Variants in KIF22 observed in about 807,000 individuals in gnomAD.
The protein encoded by KIF22 is kinesin-like protein KIF22.
A neutral mutation model predicts 73.0 loss-of-function variants in KIF22; 62 were observed. The observed-to-expected ratio is 0.85, with a 90% CI of 0.69 to 1.05. The LOEUF (loss-of-function observed/expected upper bound fraction) is 1.05, where lower values mean the gene tolerates loss of function less well. Ranked by LOEUF, KIF22 falls within the 50% of genes least tolerant of loss-of-function variation. The probability of loss-of-function intolerance (pLI) is 0.00; values close to 1 mark genes in which losing one functional copy is unlikely to be tolerated. For synonymous variants in KIF22, 411 were observed against 340.1 expected (o/e 1.21, Z -2.29); for missense variants, 854 against 870.1 (o/e 0.98, Z 0.23).
chr16:29,801,732 CAGGA>C (rs1001777052), intron 8 of KIF22, among the ~76,000 whole-genome samples: 3 of 152,130 alleles, frequency 2.0e-5, no homozygotes, highest in Admixed American at 6.5e-5. Context: ...CTGTGAGAGT[CAGGA>C]AGGAAGAGAT....
At chr16:29,793,473 G>A (rs1438571235) in intron 1 of KIF22, among the ~76,000 whole-genome samples, 5 of 152,144 alleles carry the variant, frequency 3.3e-5, no homozygotes, top group Non-Finnish European at 5.9e-5. Flanking sequence ...CAGAACGTGG[G>A]CTGCAGTTGA....
At chr16:29,803,938 T>C (rs1899237874) in intron 10 of KIF22, 60 bp from the exon 11 acceptor site, 2 of 1,282,508 alleles carry the variant, frequency 1.6e-6, no homozygotes, top group Non-Finnish European at 1.1e-6. Flanking sequence ...ATCGAAGGGC[T>C]ACCAGGGAGG....
At chr16:29,791,971 C>T (rs900712700) in intron 1 of KIF22, among the ~76,000 whole-genome samples, 3 of 152,252 alleles carry the variant, frequency 2.0e-5, no homozygotes, top group Middle Eastern at 3.4e-3. Flanking sequence ...GTGTCACATA[C>T]GTAGATGTAA....
Position 29,803,621 on chromosome 16 carries a change from C to A in KIF22, c.1609+13C>A, listed in dbSNP as rs745553124. 3 of 1,597,068 alleles carry A rather than the reference C, an allele frequency of 1.9e-6. No homozygotes were observed. Among genetic ancestry groups the A allele is most frequent in the Non-Finnish European group, 1.7e-6 (2 of 1,171,490 alleles). ...CCCCTACAGCTAAGTAAGTTTGACT[C>A]CAGGGGCTGGGGGGCCAAGGCAGCT... On this transcript the variant is annotated intron_variant, in intron 10 of 13. Transcript: ENST00000160827.
intron 1 of KIF22, 112 bp from the exon 2 acceptor site, chr16:29,796,781 G>C: frequency 1.0e-6 from 1 of 982,370 alleles, no homozygotes; most frequent in South Asian, 1.5e-5. Flanking sequence ...GACCAGGGCA[G>C]AATGAGCTTC....
In KIF22 at chr16:29,799,267, G is replaced by C; in HGVS notation, c.763G>C (p.Asp255His). The C allele has an allele frequency of 6.2e-7, 1 of 1,613,440 alleles. No individual in the cohort carries two copies. Among genetic ancestry groups the C allele is most frequent in the Non-Finnish European group, 8.5e-7 (1 of 1,179,680 alleles). Residue 255 changes from aspartate (D) to histidine (H), a missense_variant, in exon 6 of 14, where the codon GAC becomes CAC. Around this residue, in one of 3 missense-constraint regions of KIF22, gnomAD observed 245 missense variants for 351.8 expected, o/e 0.70. Transcript: ENST00000160827. The part of the protein sequence containing the change: ...RSHAVLLVKV[D>H]QRERLAPFRQ... ...AGACCTTTGTTCTTACCCCCAGGTG[G>C]ACCAGCGGGAACGTTTGGCCCCATT... is the stretch of plus-strand genomic sequence containing the variant.
At position 29,798,700 on chromosome 16, in the gene KIF22, T is replaced by A. The variant is rs779247770; in HGVS notation, c.502T>A (p.Trp168Arg). ...TREEGAEGRP[W>R]ALSVTMSYLE... ...GGAGGAGGGTGCCGAGGGCCGGCCA[T>A]GGGCCCTTTCTGTCACCATGTCTTA... The change falls in exon 4 of 14, where the codon TGG becomes AGG. Residue 168 changes from tryptophan to arginine, a missense_variant. Physicochemically the swap from Trp to Arg is moderately radical, Grantham distance 101. Transcript: ENST00000160827. The surrounding 1 kb of genome is among the most constrained non-coding windows in gnomAD (Gnocchi z 4.1). The A allele has an allele frequency of 6.2e-7, 1 of 1,614,100 alleles. No homozygotes were observed. Among genetic ancestry groups the A allele is most frequent in the South Asian group, 1.1e-5 (1 of 91,080 alleles).
intron 10 of KIF22, 51 bp downstream of exon 10, chr16:29,803,659 G>A (rs549459888): frequency 1.5e-5 from 22 of 1,437,412 alleles, no homozygotes; most frequent in East Asian, 2.3e-5. Context: ...GATCCTATAA[G>A]GGAGGAAGTG....
At chr16:29,804,222 G>C in intron 11 of KIF22, 157 bp downstream of exon 11, 1 of 671,254 alleles carries the variant, frequency 1.5e-6, no homozygotes. Context: ...ATGTGGTGAT[G>C]GATGGTTCCT....
chr16:29,800,391 A>C (rs1236971063), intron 8 of KIF22, among the ~76,000 whole-genome samples: 1 of 152,104 alleles, frequency 6.6e-6, no homozygotes, highest in Admixed American at 6.6e-5. Flanking sequence ...CAGGAAGCAG[A>C]GGTTGCAGTG....
In KIF22 at chr16:29,804,873, G is replaced by A. The variant is rs144222256; in HGVS notation, c.1737G>A (p.Gln579=). Residue 579 remains glutamine, a synonymous_variant, in exon 12 of 14, where the codon CAG becomes CAA. Coordinates refer to ENST00000160827, the MANE Select transcript of KIF22 (RefSeq NM_007317.3). ...AGGCTGAGGACTGCTGGGAGCTACA[G>A]ATCAGCCCGGAGCTACTGGCTCATG... ...EEKAEDCWEL[Q]ISPELLAHGR... The A allele has an allele frequency of 2.7e-3, 4,330 of 1,613,880 alleles. 113 individuals are homozygous for A. In the African/African-American group the frequency reaches 0.05, roughly 19 times the overall value.
At chr16:29,792,335 G>A in intron 1 of KIF22, 1 of 665,586 alleles carries the variant, frequency 1.5e-6, no homozygotes, top group Non-Finnish European at 1.9e-6. Context: ...TTGTTTACAT[G>A]TGGCCCTCCC....
rs777996994 is a variant in KIF22, at chr16:29,790,772, G to A, written c.13G>A (p.Gly5Ser). Residue 5 changes from glycine (G) to serine (S), a missense_variant, in exon 1 of 14, where the codon GGC becomes AGC. Gly to Ser is a moderately conservative substitution (Grantham distance 56). This residue lies in a region of KIF22 where 186 missense variants were observed against 152.9 expected (regional missense o/e 1.22). Coordinates refer to ENST00000160827, the MANE Select transcript of KIF22 (RefSeq NM_007317.3). MAAG[G>S]STQQRRREMA... ...AGGAGGGAGTGGAATGGCCGCGGGC[G>A]GCTCGACGCAGCAGAGGCGACGCGA... 1.3e-5 allele frequency: 20 copies of A among 1,598,236 alleles called. No homozygotes were observed. Among genetic ancestry groups the A allele is most frequent in the Non-Finnish European group, 1.6e-5 (19 of 1,172,582 alleles).
At position 29,803,502 on chromosome 16, in the gene KIF22, T is replaced by C. The variant is rs755664483; in HGVS notation, c.1503T>C (p.Ala501=). 6.2e-7 allele frequency: 1 copy of C among 1,614,196 alleles called. No homozygotes were observed. The highest frequency in any genetic ancestry group is 8.5e-7 in the Non-Finnish European group (1 of 1,180,018). ...ELEAKMLAQK[A]EEKENHCPTM... is the part of the protein sequence containing the mutation. ...AGGCCAAGATGTTGGCCCAGAAGGC[T>C]GAGGAAAAGGAGAACCATTGTCCCA... The change falls in exon 10 of 14, where the codon GCT becomes GCC. Residue 501 remains alanine, a synonymous_variant. Transcript: ENST00000160827.
chr16:29,799,873 C>G, intron 7 of KIF22, 40 bp from the exon 8 acceptor site: 2 of 1,612,692 alleles, frequency 1.2e-6, no homozygotes, highest in African/African-American at 2.7e-5. Flanking sequence ...AGGCTGACCA[C>G]CCCCAATCCC....
rs72337640 is a variant in KIF22 at position 29,797,437 on chromosome 16, CAG to C, written c.266+353_266+354del. On this transcript the variant is annotated intron_variant, in intron 2 of 13. Transcript: ENST00000160827. This position sits in a 1 kb window ranked among gnomAD's most constrained non-coding sequence, Gnocchi z 4.1. ...TACCCAAGCTGCAGCTGGGTAGTGT[CAG>C]AGAAGACCACCCAGATTTGGGGACA... is the stretch of plus-strand genomic sequence containing the variant. Among the ~76,000 whole-genome samples the C allele has an allele frequency of 7.2e-3, 1,102 of 152,142 alleles. 6 individuals are homozygous for C. The highest frequency in any genetic ancestry group is 0.025 in the African/African-American group (1,057 of 41,484).
chr16:29,803,966 C>G lies in KIF22; in HGVS notation c.1610-32C>G, dbSNP rs577071221. The G allele has an allele frequency of 1.0e-4, 163 of 1,570,016 alleles. 2 individuals carry two copies. The South Asian group carries it at 1.7e-3, about 16-fold the overall frequency. On this transcript the variant is annotated intron_variant, in intron 10 of 13. Coordinates refer to ENST00000160827, the MANE Select transcript of KIF22 (RefSeq NM_007317.3). ...CAGGGAGGGTGAAAAGTACCCTTTGCCCTGACTCCAATTCTCGATTCCTAC... is the reference window on the plus strand; with the variant it reads ...CAGGGAGGGTGAAAAGTACCCTTTGGCCTGACTCCAATTCTCGATTCCTAC...
intron 1 of KIF22, among the ~76,000 whole-genome samples, chr16:29,795,379 T>C (rs1567356865): frequency 6.6e-6 from 1 of 152,198 alleles, no homozygotes. Context: ...TGTAAGATTC[T>C]TTGTAGGGGT....
intron 8 of KIF22, 21 bp downstream of exon 8, chr16:29,800,069 T>C (rs749060214): frequency 6.3e-7 from 1 of 1,597,712 alleles, no homozygotes; most frequent in Middle Eastern, 1.7e-4. Flanking sequence ...GGGCCTTGGG[T>C]GTATCCCCTT....
Sources: gnomAD v4.1 joint callset for allele counts (sites outside exome capture counted in the v4.1 genomes callset) on GRCh38, gnomAD v4.1.1 for gene constraint, gnomAD v4.1.1 regional missense constraint, Gnocchi (gnomAD v3.1) non-coding constraint, MANE v1.5 for transcripts, NCBI Gene and HGNC (gene_info 2026-07-23, HGNC 2026-07-21) for gene names.